The following STAG1 variants were observed in gnomAD, a reference collection of about 807,000 sequenced individuals.
STAG1 encodes cohesin subunit SA-1.
In STAG1, 26 loss-of-function variants were observed where a neutral mutation model predicts 170.9. That is an observed-to-expected ratio of 0.15 (90% CI 0.11 to 0.21). The LOEUF is 0.21. STAG1 is among the 10% of genes least tolerant of loss of function. The pLI, the probability that STAG1 is intolerant of heterozygous loss-of-function variation, is 1.00. For synonymous variants in STAG1, 514 were observed against 497.7 expected, an observed-to-expected ratio of 1.03 and a Z score of -0.44; for missense variants, 964 against 1,509.5, an observed-to-expected ratio of 0.64 and a Z score of 5.99.
intron 4 of STAG1, among the ~76,000 whole-genome samples, chr3:136,574,377 T>A (rs1937378028): frequency 6.6e-6 from 1 of 152,070 alleles, no homozygotes; most frequent in Non-Finnish European, 1.5e-5. Context: ...CACATCCTTG[T>A]CTTGATTTCT....
chr3:136,461,416 T>C (rs549162733), intron 13 of STAG1, among the ~76,000 whole-genome samples: 43 of 152,230 alleles, frequency 2.8e-4, no homozygotes, highest in Non-Finnish European at 5.6e-4. Context: ...ATCTTATATT[T>C]AGAAAAACAG....
At position 136,542,099 on chromosome 3, in the gene STAG1, T is replaced by C. The variant is rs766184628; in HGVS notation, c.471+20A>G. ...TGAAAGTATAAGTAAGCAATTTGTA[T>C]GAATATTGGAATGCTATACCTCATC... On this transcript the variant is annotated intron_variant, in intron 6 of 33. Transcript: ENST00000383202. 1.3e-6 allele frequency: 2 copies of C among 1,570,830 alleles called. No homozygotes were observed. Among genetic ancestry groups the C allele is most frequent in the South Asian group, 1.1e-5 (1 of 89,236 alleles).
chr3:136,380,838 G>A lies in STAG1; in HGVS notation c.2278-3086C>T, dbSNP rs1352303739. Among the ~76,000 whole-genome samples the A allele has an allele frequency of 2.0e-5, 3 of 151,624 alleles. No homozygotes were observed. The East Asian group carries it at 5.9e-4, about 30-fold the overall frequency. On this transcript the variant is annotated intron_variant, in intron 22 of 33. Coordinates refer to ENST00000383202, the MANE Select transcript of STAG1 (RefSeq NM_005862.3). Reference sequence around the variant, plus strand: ...AGTTCAAGACCAGCCTGGGCAACATGATGAAATCCAGTCTCTACTAAAAAT... The same window carrying A: ...AGTTCAAGACCAGCCTGGGCAACATAATGAAATCCAGTCTCTACTAAAAAT...
chr3:136,576,032 T>C (rs904105511), intron 4 of STAG1, among the ~76,000 whole-genome samples: 2 of 152,188 alleles, frequency 1.3e-5, no homozygotes, highest in African/African-American at 4.8e-5. Flanking sequence ...TTAGAGAAAA[T>C]ATTTATTTGC....
At chr3:136,751,405 T>C (rs1935229346) in intron 1 of STAG1, among the ~76,000 whole-genome samples, 1 of 152,028 alleles carries the variant, frequency 6.6e-6, no homozygotes, top group South Asian at 2.1e-4. Flanking sequence ...CTCCAAGCAC[T>C]CTAGTTTCCC....
intron 1 of STAG1, among the ~76,000 whole-genome samples, chr3:136,702,099 G>C (rs1412450572): frequency 1.3e-4 from 13 of 101,802 alleles, no homozygotes; most frequent in Non-Finnish European, 2.4e-4. Context: ...GAGAGAGAGA[G>C]AGAGAGAGAG....
At chr3:136,636,839 C>CT (rs761110228) in intron 1 of STAG1, among the ~76,000 whole-genome samples, 1 of 152,170 alleles carries the variant, frequency 6.6e-6, no homozygotes, top group Non-Finnish European at 1.5e-5. Flanking sequence ...GTGGCCAGAG[C>CT]CTATCCCAGC....
At chr3:136,363,641 C>T (rs1277966513) in intron 25 of STAG1, among the ~76,000 whole-genome samples, 174 bp from the exon 26 acceptor site, 4 of 149,800 alleles carry the variant, frequency 2.7e-5, no homozygotes, top group Admixed American at 2.0e-4. Flanking sequence ...TTAAACATAA[C>T]AGGAGTTAAA....
chr3:136,434,481 CTA>C (rs1274035594), intron 15 of STAG1, among the ~76,000 whole-genome samples: 18 of 152,106 alleles, frequency 1.2e-4, no homozygotes, highest in Admixed American at 3.9e-4. Flanking sequence ...TAAGATTTGT[CTA>C]TGTTTATTCT....
chr3:136,704,382 G>C (rs1444595493), intron 1 of STAG1, among the ~76,000 whole-genome samples: 2 of 151,968 alleles, frequency 1.3e-5, no homozygotes, highest in Non-Finnish European at 2.9e-5. Flanking sequence ...CTATATGCTA[G>C]TTAAAAGAGA....
At chr3:136,722,840 C>T (rs1048075232) in intron 1 of STAG1, among the ~76,000 whole-genome samples, 5 of 152,082 alleles carry the variant, frequency 3.3e-5, no homozygotes, top group Non-Finnish European at 7.4e-5. Flanking sequence ...TGCAGGCGCG[C>T]GCCACCACGC....
chr3:136,541,886 C>A (rs568278985), intron 6 of STAG1, among the ~76,000 whole-genome samples: 74 of 152,080 alleles, frequency 4.9e-4, no homozygotes, highest in Non-Finnish European at 3.2e-4. Context: ...CTACTTTTAC[C>A]TCATATCACT....
intron 1 of STAG1, among the ~76,000 whole-genome samples, chr3:136,678,001 T>C (rs1942192766): frequency 6.7e-6 from 1 of 148,548 alleles, no homozygotes. Context: ...TACCTATATA[T>C]GACTTCTGAA....
intron 6 of STAG1, among the ~76,000 whole-genome samples, chr3:136,525,072 T>C (rs1934932718): frequency 6.6e-6 from 1 of 152,224 alleles, no homozygotes; most frequent in Non-Finnish European, 1.5e-5. Flanking sequence ...TTGTTATGTC[T>C]CTGCCAGGCT....
At chr3:136,503,713 T>G (rs1416827458) in intron 7 of STAG1, among the ~76,000 whole-genome samples, 1 of 152,138 alleles carries the variant, frequency 6.6e-6, no homozygotes, top group Non-Finnish European at 1.5e-5. Flanking sequence ...AAAACAAGCA[T>G]GCACTGTTTC....
chr3:136,380,600 G>GAA (rs893770698), intron 22 of STAG1, among the ~76,000 whole-genome samples: 3 of 152,060 alleles, frequency 2.0e-5, no homozygotes, highest in Non-Finnish European at 2.9e-5. Flanking sequence ...ATGGATAGAT[G>GAA]AAAGATAAAG....
chr3:136,636,295 A>G (rs935691152), intron 1 of STAG1, among the ~76,000 whole-genome samples: 5 of 152,070 alleles, frequency 3.3e-5, no homozygotes, highest in African/African-American at 1.2e-4. Context: ...GTATACACAC[A>G]CAGACATACA....
chr3:136,702,837 A>G (rs1189663160), intron 1 of STAG1, among the ~76,000 whole-genome samples: 2 of 152,220 alleles, frequency 1.3e-5, no homozygotes, highest in East Asian at 3.9e-4. Flanking sequence ...TGAGAGGCCG[A>G]GGCGGGCAGA....
chr3:136,533,480 T>C (rs960060722), intron 6 of STAG1, among the ~76,000 whole-genome samples: 9 of 152,230 alleles, frequency 5.9e-5, no homozygotes, highest in Middle Eastern at 3.4e-3. Context: ...ATATGAAGCA[T>C]AGTACTGGAG....
Sources: allele counts gnomAD v4.1 joint callset (sites outside exome capture counted in the v4.1 genomes callset), GRCh38; gene constraint gnomAD v4.1.1; transcripts MANE v1.5; gene names NCBI Gene and HGNC (gene_info 2026-07-23, HGNC 2026-07-21).